Variants in CELF2 observed in about 807,000 individuals in gnomAD.
CELF2 encodes the protein CUG triplet repeat RNA-binding protein 2.
Under a neutral mutation model 62.6 loss-of-function variants are expected in CELF2, and 8 were observed. That is an observed-to-expected ratio of 0.13 (90% CI 0.07 to 0.23). The LOEUF (loss-of-function observed/expected upper bound fraction) is 0.23, where lower values mean the gene tolerates loss of function less well. Among genes scored for constraint, CELF2 ranks in the 10% least tolerant of loss-of-function variants. The probability of loss-of-function intolerance (pLI) is 1.00; values close to 1 mark genes in which losing one functional copy is unlikely to be tolerated. For synonymous variants in CELF2, 258 were observed against 250.0 expected (o/e 1.03, Z -0.30); for missense variants, 333 against 671.0 (o/e 0.50, Z 5.56).
chr10:10,659,143 AG>A, the CELF2 span, among the ~76,000 whole-genome samples: 15 of 152,300 alleles, frequency 9.8e-5, no homozygotes, highest in Non-Finnish European at 1.6e-4. Flanking sequence ...AGCTACCTCA[AG>A]AGCCTGATAA....
At chr10:10,541,756 CG>C in the CELF2 span, among the ~76,000 whole-genome samples, 3 of 152,078 alleles carry the variant, frequency 2.0e-5, no homozygotes, top group Admixed American at 2.0e-4. Flanking sequence ...GGGTTTTGAC[CG>C]GTTTCTTTAC....
At chr10:10,622,035 T>C in the CELF2 span, among the ~76,000 whole-genome samples, 67,702 of 151,994 alleles carry the variant, frequency 0.45, 15,560 homozygotes, top group South Asian at 0.71. Flanking sequence ...CACAGCCCAA[T>C]AACACTTTGT....
chr10:10,646,455 G>A, the CELF2 span, among the ~76,000 whole-genome samples: 10 of 152,140 alleles, frequency 6.6e-5, no homozygotes, highest in East Asian at 1.9e-4. Flanking sequence ...TTTTTTGCAC[G>A]TCGTTTCTCA....
the CELF2 span, chr10:10,792,667 C>T: frequency 2.6e-6 from 1 of 386,606 alleles, no homozygotes. Context: ...CAGATTTTTC[C>T]TTTGGGTATT....
At chr10:11,212,520 G>A (rs2062120094) in intron 2 of CELF2, among the ~76,000 whole-genome samples, 2 of 152,228 alleles carry the variant, frequency 1.3e-5, no homozygotes, top group Non-Finnish European at 2.9e-5. Flanking sequence ...CAGAGAATCA[G>A]CACAGTCTTT....
intron 4 of CELF2, among the ~76,000 whole-genome samples, 179 bp downstream of exon 4, chr10:11,249,380 C>CT (rs1403797403): frequency 6.6e-6 from 1 of 152,222 alleles, no homozygotes; most frequent in Non-Finnish European, 1.5e-5. Context: ...ACTCTCCTCT[C>CT]TCCTGTCCTG....
chr10:11,084,634 C>T (rs958824376), intron 1 of CELF2, among the ~76,000 whole-genome samples: 7 of 151,986 alleles, frequency 4.6e-5, no homozygotes, highest in African/African-American at 1.7e-4. Flanking sequence ...AGACTCATTT[C>T]TGTTTTTAAA....
At chr10:10,799,272 G>T (rs1302308800) in intron 1 of CELF2, among the ~76,000 whole-genome samples, 9 of 152,052 alleles carry the variant, frequency 5.9e-5, no homozygotes, top group East Asian at 5.8e-4. Flanking sequence ...TTGAGGTCAG[G>T]AGTTCGAGAC....
rs1440494216 is a variant in CELF2 at position 11,223,767 on chromosome 10, C to G, written c.354+6260C>G. 1.3e-5 allele frequency among the ~76,000 whole-genome samples: 2 copies of G among 152,192 alleles called. No individual in the cohort carries two copies. The highest frequency in any genetic ancestry group is 2.9e-5 in the Non-Finnish European group (2 of 68,028). ...CCAGGTGCAACAGGATGGCTCCCAG[C>G]TGAGCGGTATAGATCCAGGAGAGGA... On this transcript the variant is annotated intron_variant, in intron 3 of 12. Transcript: ENST00000633077. The surrounding 1 kb of genome is among the most constrained non-coding windows in gnomAD (Gnocchi z 5.1).
In CELF2 at chr10:10,975,151, T is replaced by G. The variant is rs1044985727; in HGVS notation, c.89+55152T>G. Reference sequence around the variant, plus strand: ...TTTTTCTCCCAAGGCACAGTCTTGCTCTGTCACCCAGTCTGCAGTGCAATG... The same window carrying G: ...TTTTTCTCCCAAGGCACAGTCTTGCGCTGTCACCCAGTCTGCAGTGCAATG... On this transcript the variant is annotated intron_variant, in intron 2 of 13. Transcript: ENST00000636488. Among the ~76,000 whole-genome samples the G allele has an allele frequency of 5.9e-5, 9 of 152,290 alleles. No homozygotes were observed. In the South Asian group the frequency reaches 1.9e-3, roughly 32 times the overall value.
intron 1 of CELF2, among the ~76,000 whole-genome samples, chr10:10,839,884 C>T (rs2058564863): frequency 2.0e-5 from 3 of 152,208 alleles, no homozygotes; most frequent in Admixed American, 1.3e-4. Flanking sequence ...CCTCTTCACC[C>T]TAAACTCTGG....
chr10:10,948,669 C>CA (rs1478857162), intron 2 of CELF2, among the ~76,000 whole-genome samples: 2 of 152,138 alleles, frequency 1.3e-5, no homozygotes, highest in African/African-American at 4.8e-5. Context: ...CATGAAGCTC[C>CA]ATGGTTTCCT....
chr10:11,269,427 G>A lies in CELF2; in HGVS notation c.619-1239G>A, dbSNP rs757587380. Among the ~76,000 whole-genome samples the A allele has an allele frequency of 6.6e-5, 10 of 152,056 alleles. No homozygotes were observed. Among genetic ancestry groups the A allele is most frequent in the South Asian group, 2.1e-4 (1 of 4,822 alleles). On this transcript the variant is annotated intron_variant, in intron 6 of 12. Coordinates refer to ENST00000633077, the MANE Select transcript of CELF2 (RefSeq NM_001326342.2). This position sits in a 1 kb window ranked among gnomAD's most constrained non-coding sequence, Gnocchi z 4.4. ...CCCAAGGTGATAAGGAAAAAAATGC[G>A]TTTGTTTTCCAGAAAAGAGAAACAT... is the stretch of plus-strand genomic sequence containing the variant.
rs1286780842 is a variant in CELF2, at chr10:10,947,596, C to T, written c.89+27597C>T. The T allele has an allele frequency of 6.6e-6, 1 of 152,596 alleles. No individual in the cohort carries two copies. Among genetic ancestry groups the T allele is most frequent in the African/African-American group, 2.4e-5 (1 of 41,424 alleles). The allele number at this position is 152,596 out of a possible 1,614,324, so 9.5% of individuals were successfully genotyped here. A position where few individuals can be genotyped will look rare whatever the true frequency, so the allele number is the denominator to read the frequency against. ...AAAGAGGAAATCAGTGTCCTATTGCCTCGGTGTCCTCAGTGCCTAGAACAA... is the reference window on the plus strand; with the variant it reads ...AAAGAGGAAATCAGTGTCCTATTGCTTCGGTGTCCTCAGTGCCTAGAACAA... On this transcript the variant is annotated intron_variant, in intron 2 of 13. Transcript: ENST00000636488. The surrounding 1 kb of genome is among the most constrained non-coding windows in gnomAD (Gnocchi z 4.1).
chr10:10,732,388 G>C, the CELF2 span, among the ~76,000 whole-genome samples: 1 of 152,088 alleles, frequency 6.6e-6, no homozygotes, highest in African/African-American at 2.4e-5. Flanking sequence ...TGTTTTTGCA[G>C]TTTCCATAAA....
chr10:10,760,431 C>T, the CELF2 span, among the ~76,000 whole-genome samples: 2 of 152,178 alleles, frequency 1.3e-5, no homozygotes, highest in Non-Finnish European at 2.9e-5. Flanking sequence ...CTCAGCAGTT[C>T]TTTGATTGCA....
chr10:11,007,505 TG>T (rs1234965036), intron 1 of CELF2, among the ~76,000 whole-genome samples: 1 of 152,236 alleles, frequency 6.6e-6, no homozygotes, highest in Non-Finnish European at 1.5e-5. Flanking sequence ...TCAAAACATA[TG>T]TGCAGCATAA....
intron 1 of CELF2, among the ~76,000 whole-genome samples, chr10:10,895,491 G>T (rs2062479864): frequency 6.6e-6 from 1 of 152,074 alleles, no homozygotes; most frequent in African/African-American, 2.4e-5. Flanking sequence ...GAAGAACTAT[G>T]AAACAAAGAA....
chr10:10,832,298 A>C (rs895786266), intron 1 of CELF2, among the ~76,000 whole-genome samples: 12 of 152,098 alleles, frequency 7.9e-5, no homozygotes, highest in Non-Finnish European at 1.8e-4. Context: ...ATAAATAAAT[A>C]AGTAAAGATT....
Sources: allele counts gnomAD v4.1 joint callset (sites outside exome capture counted in the v4.1 genomes callset), GRCh38; gene constraint gnomAD v4.1.1; non-coding constraint Gnocchi (gnomAD v3.1); transcripts MANE v1.5; gene names NCBI Gene and HGNC (gene_info 2026-07-23, HGNC 2026-07-21).